The following ELFN1 variants were observed in gnomAD, a reference collection of about 807,000 sequenced individuals.
The protein encoded by ELFN1 is extracellular leucine rich repeat and fibronectin type III domain containing 1.
In ELFN1, 6 loss-of-function variants were observed where a neutral mutation model predicts 7.6. The ratio of observed to expected loss-of-function variants is 0.79; its 90% CI spans 0.43 to 1.56. ELFN1 has a LOEUF of 1.56. Ranked by LOEUF, ELFN1 falls within the 40% of genes most tolerant of loss-of-function variation. The pLI is 0.01. For synonymous variants in ELFN1, 657 were observed against 588.1 expected (o/e 1.12, Z -1.70); for missense variants, 1,169 against 1,232.2 (o/e 0.95, Z 0.77).
Position 1,745,978 on chromosome 7 carries a change from G to A in ELFN1, c.1382G>A (p.Ser461Asn). 1 of 1,544,842 alleles carries A rather than the reference G, an allele frequency of 6.5e-7. No homozygotes were observed. Among genetic ancestry groups the A allele is most frequent in the South Asian group, 1.2e-5 (1 of 83,758 alleles). Residue 461 changes from serine to asparagine, a missense_variant, in exon 4 of 4, where the codon AGC (serine) becomes AAC (asparagine). Around this residue, in one of 2 missense-constraint regions of ELFN1, gnomAD observed 914 missense variants for 872.6 expected, o/e 1.05. Coordinates refer to ENST00000424383, the MANE Select transcript of ELFN1 (RefSeq NM_001128636.4). ...KKAASAAAAG[S>N]LKKTIIELKY... The stretch of plus-strand genomic sequence containing the variant: ...GCCGCCTCGGCAGCCGCAGCTGGCA[G>A]CCTCAAGAAGACCATCATCGAGCTC...
intron 2 of ELFN1, chr7:1,693,820 G>T: frequency 2.1e-6 from 1 of 468,056 alleles, no homozygotes; most frequent in Non-Finnish European, 4.4e-6. Flanking sequence ...GGCCTCCCCA[G>T]GGACGGCTGG....
intron 3 of ELFN1, among the ~76,000 whole-genome samples, chr7:1,742,672 C>T (rs1460604027): frequency 1.3e-5 from 2 of 152,222 alleles, no homozygotes; most frequent in Middle Eastern, 3.2e-3. Flanking sequence ...GGCTTGGCGT[C>T]CCCTGGCCAC....
chr7:1,713,347 T>C (rs1779720790), intron 3 of ELFN1, among the ~76,000 whole-genome samples: 1 of 152,228 alleles, frequency 6.6e-6, no homozygotes, highest in Non-Finnish European at 1.5e-5. Flanking sequence ...CTGTGCGGTC[T>C]GACGGTGGAG....
intron 3 of ELFN1, among the ~76,000 whole-genome samples, chr7:1,717,389 G>A (rs536245926): frequency 1.9e-4 from 29 of 152,324 alleles, no homozygotes; most frequent in Admixed American, 1.0e-3. Context: ...TCAGTGGGCC[G>A]CAGTTCCAGG....
rs1391760688 is a variant in ELFN1 at position 1,740,835 on chromosome 7, T to C, written c.-293-3469T>C. Among the ~76,000 whole-genome samples the C allele has an allele frequency of 6.6e-6, 1 of 152,184 alleles. No individual in the cohort carries two copies. Among genetic ancestry groups the C allele is most frequent in the Non-Finnish European group, 1.5e-5 (1 of 68,036 alleles). Reference sequence around the variant, plus strand: ...GTAAAGTGAGCTGCAGAATGAAAACTTCGGGGCCCCTTGGCTGGGCATGGT... The same window carrying C: ...GTAAAGTGAGCTGCAGAATGAAAACCTCGGGGCCCCTTGGCTGGGCATGGT... On this transcript the variant is annotated intron_variant, in intron 3 of 3. Coordinates refer to ENST00000424383, the MANE Select transcript of ELFN1 (RefSeq NM_001128636.4). The surrounding 1 kb of genome is among the most constrained non-coding windows in gnomAD (Gnocchi z 5.0).
intron 1 of ELFN1, among the ~76,000 whole-genome samples, chr7:1,686,018 A>G (rs1246291655): frequency 1.3e-5 from 2 of 148,610 alleles, no homozygotes; most frequent in East Asian, 3.9e-4. Context: ...AGTCTTTGTT[A>G]TATCTAACAT....
chr7:1,691,055 G>T (rs1401376669), intron 2 of ELFN1, among the ~76,000 whole-genome samples: 1 of 152,140 alleles, frequency 6.6e-6, no homozygotes, highest in African/African-American at 2.4e-5. Flanking sequence ...CAGGTAAAGA[G>T]GCTAATGTCA....
At chr7:1,687,804 C>A (rs1002465887) in intron 1 of ELFN1, among the ~76,000 whole-genome samples, 4 of 152,006 alleles carry the variant, frequency 2.6e-5, no homozygotes, top group Non-Finnish European at 5.9e-5. Flanking sequence ...CTAGTGAACA[C>A]CTTTTCATAA....
chr7:1,710,322 C>G (rs554710894), intron 3 of ELFN1, among the ~76,000 whole-genome samples: 2 of 152,312 alleles, frequency 1.3e-5, no homozygotes, highest in South Asian at 2.1e-4. Flanking sequence ...TTTTTCTGCT[C>G]GTGGTCAGAT....
At chr7:1,723,868 C>T (rs926382883) in intron 3 of ELFN1, among the ~76,000 whole-genome samples, 25 of 152,226 alleles carry the variant, frequency 1.6e-4, no homozygotes, top group Admixed American at 1.6e-3. Flanking sequence ...ACCTGACGCC[C>T]CTGCCCTCAG....
chr7:1,673,270 G>A lies in ELFN1; in HGVS notation c.-549+2916G>A, dbSNP rs1209729904. Among the ~76,000 whole-genome samples, 1 of 152,186 alleles carries A rather than the reference G, an allele frequency of 6.6e-6. No individual in the cohort carries two copies. On this transcript the variant is annotated intron_variant, in intron 1 of 3. Coordinates refer to ENST00000424383, the MANE Select transcript of ELFN1 (RefSeq NM_001128636.4). This position sits in a 1 kb window ranked among gnomAD's most constrained non-coding sequence, Gnocchi z 4.7. Reference sequence around the variant, plus strand: ...GATGGGGAGACTGAGGCCCGGATTGGGGTGGGGCCGGAGAGGGTGGTGGAG... The same window carrying A: ...GATGGGGAGACTGAGGCCCGGATTGAGGTGGGGCCGGAGAGGGTGGTGGAG...
At chr7:1,718,990 C>T (rs1286652941) in intron 3 of ELFN1, among the ~76,000 whole-genome samples, 1 of 152,090 alleles carries the variant, frequency 6.6e-6, no homozygotes, top group East Asian at 1.9e-4. Flanking sequence ...CTTTTTTTGC[C>T]CCCAAGAGTG....
upstream of ELFN1, among the ~76,000 whole-genome samples, chr7:1,666,401 G>A (rs921000774): frequency 6.6e-6 from 1 of 151,922 alleles, no homozygotes; most frequent in Non-Finnish European, 1.5e-5. This position sits in a 1 kb window ranked among gnomAD's most constrained non-coding sequence, Gnocchi z 7.9. Context: ...CCGCCCGCGG[G>A]GCTCTGGATG....
Position 1,740,311 on chromosome 7 carries a change from G to A in ELFN1, c.-293-3993G>A, listed in dbSNP as rs1435365311. On this transcript the variant is annotated intron_variant, in intron 3 of 3. Transcript: ENST00000424383. The surrounding 1 kb of genome is among the most constrained non-coding windows in gnomAD (Gnocchi z 5.0). ...GGGGCCTTGTGGTCCACGCCCATAC[G>A]AGCCTCTGGGTCTGAGGCAGCAAGT... Among the ~76,000 whole-genome samples the A allele has an allele frequency of 6.6e-6, 1 of 152,230 alleles. No homozygotes were observed. Among genetic ancestry groups the A allele is most frequent in the Non-Finnish European group, 1.5e-5 (1 of 68,034 alleles).
At chr7:1,728,692 C>T (rs1385069200) in intron 3 of ELFN1, among the ~76,000 whole-genome samples, 2 of 152,132 alleles carry the variant, frequency 1.3e-5, no homozygotes, top group Non-Finnish European at 1.5e-5. Context: ...TCCAGGAACC[C>T]CAGGGTGATG....
intron 2 of ELFN1, among the ~76,000 whole-genome samples, chr7:1,701,083 G>GTA (rs1779417924): frequency 6.6e-6 from 1 of 151,934 alleles, no homozygotes; most frequent in Non-Finnish European, 1.5e-5. Flanking sequence ...GTGTGCGTGT[G>GTA]TGTGTGCGCG....
In ELFN1 at chr7:1,747,086, C is replaced by G. The variant is rs1279692586; in HGVS notation, c.*3C>G. The stretch of plus-strand genomic sequence containing the variant: ...TGTCGGCCCAGCACAAGTCCTGAGC[C>G]CCCCAAGACCGGCGATGCCCACTGG... On this transcript the variant is annotated 3_prime_UTR_variant, in exon 4 of 4. Coordinates refer to ENST00000424383, the MANE Select transcript of ELFN1 (RefSeq NM_001128636.4). 6.8e-7 allele frequency: 1 copy of G among 1,473,128 alleles called. No individual in the cohort carries two copies. The highest frequency in any genetic ancestry group is 9.1e-7 in the Non-Finnish European group (1 of 1,104,826). The allele number at this position is 1,473,128 out of a possible 1,614,324, so 91.3% of individuals were successfully genotyped here. A position where few individuals can be genotyped will look rare whatever the true frequency, so the allele number is the denominator to read the frequency against.
chr7:1,734,730 C>G (rs1780400279), intron 3 of ELFN1, among the ~76,000 whole-genome samples: 1 of 150,648 alleles, frequency 6.6e-6, no homozygotes, highest in East Asian at 1.9e-4. Context: ...GAGACAGGAT[C>G]TCTGTCACCC....
intron 1 of ELFN1, among the ~76,000 whole-genome samples, chr7:1,686,637 G>A (rs1434385256): frequency 6.6e-6 from 1 of 151,894 alleles, no homozygotes; most frequent in African/African-American, 2.4e-5. Context: ...TCTGCATGTG[G>A]GTCTGTAAGC....
Sources: gnomAD v4.1 joint callset for allele counts (sites outside exome capture counted in the v4.1 genomes callset) on GRCh38, gnomAD v4.1.1 for gene constraint, gnomAD v4.1.1 regional missense constraint, Gnocchi (gnomAD v3.1) non-coding constraint, MANE v1.5 for transcripts, NCBI Gene and HGNC (gene_info 2026-07-23, HGNC 2026-07-21) for gene names.